Variants in PSIP1 observed in about 807,000 individuals in gnomAD.
The protein encoded by PSIP1 is PC4 and SFRS1-interacting protein.
PSIP1 carries 19 observed loss-of-function variants against 74.7 expected under a neutral mutation model. The observed-to-expected ratio is 0.25, with a 90% CI of 0.18 to 0.37. The LOEUF (loss-of-function observed/expected upper bound fraction) is 0.37. Ranked by LOEUF, PSIP1 falls within the 10% of genes least tolerant of loss-of-function variation. The pLI, the probability that PSIP1 is intolerant of heterozygous loss-of-function variation, is 1.00. For synonymous variants in PSIP1, 222 were observed against 195.3 expected (o/e 1.14, Z -1.14); for missense variants, 601 against 614.3 (o/e 0.98, Z 0.23).
chr9:15,467,931 A>G (rs1020907615), intron 14 of PSIP1, among the ~76,000 whole-genome samples: 6 of 151,700 alleles, frequency 4.0e-5, no homozygotes, highest in African/African-American at 1.5e-4. Flanking sequence ...GACCAGCCTG[A>G]CCAACATGGA....
At position 15,472,593 on chromosome 9, in the gene PSIP1, T is replaced by C. The variant is rs2035886300; in HGVS notation, c.977+39A>G. ...TATTTAAAAATTCCATGCTAGCCTT[T>C]AAAAAGAACCCAAAATTTAGAAAAA... On this transcript the variant is annotated intron_variant, in intron 10 of 15. Coordinates refer to ENST00000380733, the MANE Select transcript of PSIP1 (RefSeq NM_033222.5). The C allele has an allele frequency of 2.6e-6, 4 of 1,563,456 alleles. No individual in the cohort carries two copies. In the East Asian group the frequency reaches 9.2e-5, roughly 36 times the overall value.
In PSIP1 at chr9:15,510,268, G is replaced by C. The variant is rs987647626; in HGVS notation, c.-80C>G. On this transcript the variant is annotated 5_prime_UTR_variant, in exon 2 of 16. Coordinates refer to ENST00000380733, the MANE Select transcript of PSIP1 (RefSeq NM_033222.5). The stretch of plus-strand genomic sequence containing the variant: ...CGGCGCGGGGATGCGGGCGGCGGAC[G>C]CGGGCCCAGCTACCGGGCCCGCGGG... 3 of 1,344,726 alleles carry C rather than the reference G, an allele frequency of 2.2e-6. No individual in the cohort carries two copies. The highest frequency in any genetic ancestry group is 1.9e-5 in the Admixed American group (1 of 52,200). The allele number at this position is 1,344,726 out of a possible 1,614,324, so 83.3% of individuals were successfully genotyped here. A position where few individuals can be genotyped will look rare whatever the true frequency, so the allele number is the denominator to read the frequency against.
chr9:15,470,687 T>A, intron 10 of PSIP1: 1 of 936,436 alleles, frequency 1.1e-6, no homozygotes, highest in Middle Eastern at 5.3e-4. Context: ...AGTTTCATTC[T>A]TAACAAGTCT....
At chr9:15,481,141 T>G (rs1347742380) in intron 6 of PSIP1, among the ~76,000 whole-genome samples, 2 of 152,314 alleles carry the variant, frequency 1.3e-5, no homozygotes, top group Non-Finnish European at 2.9e-5. Flanking sequence ...TTTCTAGAAT[T>G]TTAAGAACTT....
chr9:15,473,836 G>A (rs1238375936), intron 9 of PSIP1, among the ~76,000 whole-genome samples, 173 bp downstream of exon 9: 1 of 150,606 alleles, frequency 6.6e-6, no homozygotes, highest in African/African-American at 2.4e-5. Flanking sequence ...AGGAGGCAGA[G>A]GTTGCAGTGA....
intron 4 of PSIP1, 75 bp from the exon 5 acceptor site, chr9:15,487,006 T>A: frequency 1.5e-6 from 1 of 682,240 alleles, no homozygotes; most frequent in Non-Finnish European, 2.1e-6. Flanking sequence ...TTTATTTTTA[T>A]TTTTTTTTTA....
At chr9:15,490,242 TTAAA>T in intron 3 of PSIP1, 118 bp from the exon 4 acceptor site, 4 of 924,532 alleles carry the variant, frequency 4.3e-6, no homozygotes, top group Non-Finnish European at 6.1e-6. Context: ...ATTACAAATC[TTAAA>T]TAAGTTAAAG....
At chr9:15,500,274 G>A (rs1586853184) in intron 3 of PSIP1, among the ~76,000 whole-genome samples, 2 of 152,026 alleles carry the variant, frequency 1.3e-5, no homozygotes, top group East Asian at 3.9e-4. Context: ...GACCATCCTG[G>A]CTATCACGGT....
Position 15,464,772 on chromosome 9 carries a change from C to T in PSIP1, c.*748G>A. ...ACCTTAAATGATTTAACCCTAAAGC[C>T]AGATTCATTCCTATATATACCCAGT... On this transcript the variant is annotated 3_prime_UTR_variant, in exon 16 of 16. Coordinates refer to ENST00000380733, the MANE Select transcript of PSIP1 (RefSeq NM_033222.5). The T allele has an allele frequency of 4.9e-6, 1 of 205,768 alleles. No individual in the cohort carries two copies. The highest frequency in any genetic ancestry group is 9.9e-6 in the Non-Finnish European group (1 of 100,708). 12.7% of individuals were successfully genotyped at this position (205,768 alleles called of 1,614,324 possible). A position where few individuals can be genotyped will look rare whatever the true frequency, so the allele number is the denominator to read the frequency against.
At position 15,468,678 on chromosome 9, in the gene PSIP1, C is replaced by G; in HGVS notation, c.1372G>C (p.Asp458His). The G allele has an allele frequency of 6.2e-7, 1 of 1,614,072 alleles. No individual in the cohort carries two copies. Among genetic ancestry groups the G allele is most frequent in the South Asian group, 1.1e-5 (1 of 91,082 alleles). ...RQHEEANKTKDQGKKGPNKKL... is the reference protein window; with the variant it reads ...RQHEEANKTKHQGKKGPNKKL... ...TTGTTTGGCCCTTTCTTCCCTTGAT[C>G]TTTGGTTTTATTCGCTTCCTCATGC... Residue 458 changes from aspartate to histidine, a missense_variant, in exon 14 of 16, where the codon GAT (aspartate) becomes CAT (histidine). This residue lies in a region of PSIP1 where 538 missense variants were observed against 507.6 expected (regional missense o/e 1.06). Transcript: ENST00000380733.
intron 3 of PSIP1, chr9:15,504,982 G>C (rs946801278): frequency 3.1e-5 from 4 of 130,382 alleles, no homozygotes; most frequent in African/African-American, 9.5e-5. Flanking sequence ...TTTTTTTTGA[G>C]ATGAGGTCTG....
At chr9:15,499,750 T>C (rs1363430502) in intron 3 of PSIP1, among the ~76,000 whole-genome samples, 4 of 151,944 alleles carry the variant, frequency 2.6e-5, no homozygotes, top group Admixed American at 1.3e-4. Flanking sequence ...GGCGCGTCCC[T>C]GTAATCCCAG....
intron 6 of PSIP1, among the ~76,000 whole-genome samples, chr9:15,483,799 C>A (rs116374298): frequency 4.6e-5 from 7 of 152,116 alleles, no homozygotes; most frequent in Non-Finnish European, 8.8e-5. Context: ...CAAGACCTGG[C>A]TGACCAACAT....
At chr9:15,475,814 G>A (rs1249072065) in intron 8 of PSIP1, among the ~76,000 whole-genome samples, 2 of 152,144 alleles carry the variant, frequency 1.3e-5, no homozygotes, top group Non-Finnish European at 2.9e-5. Context: ...ATACAGACTT[G>A]TGACAACTTC....
rs140093912 is a variant in PSIP1 at position 15,504,022 on chromosome 9, C to T, written c.149+2539G>A. On this transcript the variant is annotated intron_variant, in intron 3 of 15. Coordinates refer to ENST00000380733, the MANE Select transcript of PSIP1 (RefSeq NM_033222.5). The stretch of plus-strand genomic sequence containing the variant: ...AGCCTCCCAAAGTGCTGGGATTACA[C>T]GCGTAAGCCACCGCGCCCAGCCCAA... Among the ~76,000 whole-genome samples the T allele has an allele frequency of 2.7e-3, 411 of 152,244 alleles. 3 individuals carry two copies. The highest frequency in any genetic ancestry group is 7.4e-3 in the African/African-American group (306 of 41,552).
At chr9:15,472,475 T>C in intron 10 of PSIP1, 157 bp downstream of exon 10, 1 of 1,399,142 alleles carries the variant, frequency 7.1e-7, no homozygotes, top group Admixed American at 3.5e-5. Flanking sequence ...AAGCCTGAAA[T>C]AAGATCATCA....
intron 6 of PSIP1, among the ~76,000 whole-genome samples, chr9:15,480,555 G>C (rs1362601697): frequency 5.9e-5 from 9 of 152,192 alleles, no homozygotes; most frequent in Non-Finnish European, 1.2e-4. Context: ...TGATCAATAA[G>C]CTGGTATCAA....
chr9:15,478,075 TGC>T (rs1487625533), intron 8 of PSIP1, among the ~76,000 whole-genome samples: 2 of 144,404 alleles, frequency 1.4e-5, no homozygotes, highest in Non-Finnish European at 3.0e-5. Flanking sequence ...GGTTACAGTG[TGC>T]GATTGCAGCA....
At chr9:15,476,605 C>A (rs2036092268) in intron 8 of PSIP1, among the ~76,000 whole-genome samples, 1 of 152,182 alleles carries the variant, frequency 6.6e-6, no homozygotes, top group Non-Finnish European at 1.5e-5. Flanking sequence ...TAAAATTGGA[C>A]TTCATTAATC....
Sources: allele counts gnomAD v4.1 joint callset (sites outside exome capture counted in the v4.1 genomes callset), GRCh38; gene constraint gnomAD v4.1.1; regional missense constraint gnomAD v4.1.1; transcripts MANE v1.5; gene names NCBI Gene and HGNC (gene_info 2026-07-23, HGNC 2026-07-21).